DENND5B: variants seen among roughly 807,000 people sequenced by gnomAD.
DENND5B encodes DENN domain containing 5B, also known as DENN domain-containing protein 5B.
A neutral mutation model predicts 140.6 loss-of-function variants in DENND5B; 34 were observed. The observed-to-expected ratio is 0.24, with a 90% CI of 0.18 to 0.32. The LOEUF is 0.32. Among genes scored for constraint, DENND5B ranks in the 10% least tolerant of loss-of-function variants. The pLI, the probability that DENND5B is intolerant of heterozygous loss-of-function variation, is 1.00. For synonymous variants in DENND5B, 551 were observed against 562.1 expected, an observed-to-expected ratio of 0.98 and a Z score of 0.28; for missense variants, 1,142 against 1,560.2, an observed-to-expected ratio of 0.73 and a Z score of 4.52.
At chr12:31,451,838 A>G in intron 5 of DENND5B, 102 bp downstream of exon 5, 1 of 1,362,812 alleles carries the variant, frequency 7.3e-7, no homozygotes, top group Non-Finnish European at 1.0e-6. Context: ...AATCAATAAT[A>G]TATGGGTAAG....
intron 1 of DENND5B, among the ~76,000 whole-genome samples, chr12:31,502,449 T>C (rs1009695750): frequency 8.5e-5 from 13 of 152,254 alleles, no homozygotes; most frequent in African/African-American, 3.1e-4. Flanking sequence ...ATAATATTCC[T>C]AAGCATAATT....
Position 31,398,242 on chromosome 12 carries a change from TG to T in DENND5B, c.3188del (p.Pro1063HisfsTer13). 1 of 1,602,316 alleles carries T rather than the reference TG, an allele frequency of 6.2e-7. No individual in the cohort carries two copies. The highest frequency in any genetic ancestry group is 1.1e-5 in the South Asian group (1 of 88,468). ...DEDLVKQCRTPPQQKSPTTAR... is the reference protein window; with the variant it reads ...DEDLVKQCRTXPQQKSPTTAR... ...CCGTGGTGGGTGACTTCTGCTGGGG[TG>T]GAGTCCGACACTGCTTTACTAGATC... On this transcript the variant is annotated frameshift_variant, in exon 17 of 21. Coordinates refer to ENST00000389082, the MANE Select transcript of DENND5B (RefSeq NM_144973.4). LOFTEE classifies it high-confidence loss of function.
At chr12:31,436,067 G>A (rs1237825754) in intron 7 of DENND5B, among the ~76,000 whole-genome samples, 4 of 151,858 alleles carry the variant, frequency 2.6e-5, no homozygotes, top group East Asian at 3.9e-4. Context: ...CCAAAGTGCC[G>A]GGATTACAGG....
chr12:31,389,141 G>A (rs979996292), intron 20 of DENND5B, among the ~76,000 whole-genome samples, 183 bp downstream of exon 20: 2 of 152,204 alleles, frequency 1.3e-5, no homozygotes, highest in African/African-American at 4.8e-5. Context: ...AGGTTGCAGT[G>A]AGCCAAGATT....
intron 17 of DENND5B, among the ~76,000 whole-genome samples, chr12:31,394,835 G>A (rs1941348572): frequency 1.3e-5 from 2 of 151,928 alleles, no homozygotes; most frequent in South Asian, 2.1e-4. Context: ...GGATGGTCTC[G>A]ATCTGCTGAC....
chr12:31,588,854 GATGA>G (rs1950496299), intron 1 of DENND5B, among the ~76,000 whole-genome samples: 1 of 152,166 alleles, frequency 6.6e-6, no homozygotes, highest in African/African-American at 2.4e-5. Context: ...AAAACTGTTG[GATGA>G]ATGATACTGA....
At chr12:31,534,694 C>A in intron 1 of DENND5B, 1 of 269,716 alleles carries the variant, frequency 3.7e-6, no homozygotes, top group South Asian at 5.7e-5. Context: ...ACTTAGACAC[C>A]TAAAATTACT....
At chr12:31,469,848 G>A (rs1032291362) in intron 3 of DENND5B, among the ~76,000 whole-genome samples, 1 of 152,112 alleles carries the variant, frequency 6.6e-6, no homozygotes, top group Non-Finnish European at 1.5e-5. Flanking sequence ...CTCTTGCCAT[G>A]TGATTCTGGC....
At chr12:31,497,804 GA>G (rs1235277435) in intron 1 of DENND5B, among the ~76,000 whole-genome samples, 1 of 10,772 alleles carries the variant, frequency 9.3e-5, no homozygotes, top group African/African-American at 2.7e-4. Flanking sequence ...GGGGCATGGG[GA>G]GGGGCAGCGG....
intron 1 of DENND5B, among the ~76,000 whole-genome samples, chr12:31,588,385 G>A (rs917119878): frequency 2.6e-5 from 4 of 152,132 alleles, no homozygotes; most frequent in African/African-American, 9.7e-5. Flanking sequence ...AACATCTGGA[G>A]AACTATATAC....
At chr12:31,448,182 G>C (rs566773439) in intron 5 of DENND5B, among the ~76,000 whole-genome samples, 69 of 151,760 alleles carry the variant, frequency 4.5e-4, no homozygotes, top group Non-Finnish European at 7.1e-4. Context: ...CGCCCAGGCT[G>C]GAGTGCAGTG....
At chr12:31,451,034 T>G (rs1944492797) in intron 5 of DENND5B, among the ~76,000 whole-genome samples, 1 of 152,202 alleles carries the variant, frequency 6.6e-6, no homozygotes, top group Non-Finnish European at 1.5e-5. Context: ...CTTACAGCCA[T>G]AAAACTTAAT....
In DENND5B at chr12:31,583,293, TA is replaced by T. The variant is rs1200459160; in HGVS notation, c.127+7412del. ...GGCGACAGAGTGAGACTCAGTCTTTTAAAAAAAAAAAAAAAAGAGAGAGAGA... is the reference window on the plus strand; with the variant it reads ...GGCGACAGAGTGAGACTCAGTCTTTTAAAAAAAAAAAAAAAGAGAGAGAGA... On this transcript the variant is annotated intron_variant, in intron 1 of 20. Transcript: ENST00000389082. Among the ~76,000 whole-genome samples the T allele has an allele frequency of 1.9e-3, 206 of 110,484 alleles. 1 individual carries two copies. Among genetic ancestry groups the T allele is most frequent in the South Asian group, 5.3e-3 (16 of 2,998 alleles). 72.5% of individuals were successfully genotyped at this position (110,484 alleles called of 152,430 possible). A position where few individuals can be genotyped will look rare whatever the true frequency, so the allele number is the denominator to read the frequency against.
chr12:31,454,142 CAAAAAA>C (rs372795117), intron 4 of DENND5B, among the ~76,000 whole-genome samples: 1 of 96,370 alleles, frequency 1.0e-5, no homozygotes. Context: ...AGACTTTGGC[CAAAAAA>C]AAAAAAAAAA....
intron 1 of DENND5B, among the ~76,000 whole-genome samples, chr12:31,541,482 T>A (rs1948678770): frequency 6.6e-6 from 1 of 152,070 alleles, no homozygotes; most frequent in Non-Finnish European, 1.5e-5. Flanking sequence ...GGAATGCAAA[T>A]CAAAACTACA....
rs1362062466 is a variant in DENND5B at position 31,575,984 on chromosome 12, G to A, written c.127+14722C>T. Among the ~76,000 whole-genome samples the A allele has an allele frequency of 2.7e-5, 4 of 150,718 alleles. No individual in the cohort carries two copies. The East Asian group carries it at 7.8e-4, about 30-fold the overall frequency. ...GTCTCAAAAAACAGAAAGAAAGAAA[G>A]AAAAAAGTTAACCAGGCATGGTGGC... is the stretch of plus-strand genomic sequence containing the variant. On this transcript the variant is annotated intron_variant, in intron 1 of 20. Coordinates refer to ENST00000389082, the MANE Select transcript of DENND5B (RefSeq NM_144973.4).
At chr12:31,512,568 G>A (rs1274110909) in intron 1 of DENND5B, among the ~76,000 whole-genome samples, 1 of 151,830 alleles carries the variant, frequency 6.6e-6, no homozygotes, top group Non-Finnish European at 1.5e-5. Flanking sequence ...TTAATAATTT[G>A]TGTTGGTTTG....
At chr12:31,400,825 T>C (rs2137395636) in intron 15 of DENND5B, among the ~76,000 whole-genome samples, 1 of 149,618 alleles carries the variant, frequency 6.7e-6, no homozygotes, top group South Asian at 2.1e-4. Context: ...TTTGTACCCA[T>C]TAGAGCTACG....
intron 1 of DENND5B, among the ~76,000 whole-genome samples, chr12:31,579,693 AAGG>A (rs940561418): frequency 1.0e-4 from 15 of 146,678 alleles, no homozygotes; most frequent in African/African-American, 3.8e-4. Context: ...TGAGAAAGAA[AAGG>A]AGAAAGAGAG....
Sources: allele counts gnomAD v4.1 joint callset (sites outside exome capture counted in the v4.1 genomes callset), GRCh38; gene constraint gnomAD v4.1.1; transcripts MANE v1.5; gene names NCBI Gene and HGNC (gene_info 2026-07-23, HGNC 2026-07-21).